TTC4: variants seen among roughly 807,000 people sequenced by gnomAD.
TTC4 encodes hsp70/Hsp90 co-chaperone CNS1 homolog.
Under a neutral mutation model 51.9 loss-of-function variants are expected in TTC4, and 36 were observed. That is an observed-to-expected ratio of 0.69 (90% CI 0.53 to 0.92). The LOEUF is 0.92. TTC4 is among the 40% of genes least tolerant of loss of function. TTC4 has a pLI of 0.00. For synonymous variants in TTC4, 144 were observed against 164.2 expected (o/e 0.88, Z 0.94); for missense variants, 399 against 454.6 (o/e 0.88, Z 1.11).
rs1417130009 is a variant in TTC4 at position 54,736,171 on chromosome 1, GAAAGGAGAGAGAGAGAGA to G, written c.979-1410_979-1393del. Among the ~76,000 whole-genome samples, 43 of 108,112 alleles carry G rather than the reference GAAAGGAGAGAGAGAGAGA, an allele frequency of 4.0e-4. 2 individuals are homozygous for G. The highest frequency in any genetic ancestry group is 1.6e-3 in the African/African-American group (34 of 21,202). 70.9% of individuals were successfully genotyped at this position (108,112 alleles called of 152,430 possible). On this transcript the variant is annotated intron_variant, in intron 8 of 9. Coordinates refer to ENST00000371281, the MANE Select transcript of TTC4 (RefSeq NM_004623.5). Reference sequence around the variant, plus strand: ...TGGGGGAGAAAGAGAGAGAAAGAAAGAAAGGAGAGAGAGAGAGAGAGAGAGAGAGAGAGAGAGAGAGAG... The same window carrying G: ...TGGGGGAGAAAGAGAGAGAAAGAAAGGAGAGAGAGAGAGAGAGAGAGAGAG...
chr1:54,738,795 T>A (rs1387859543), intron 9 of TTC4, among the ~76,000 whole-genome samples: 1 of 151,922 alleles, frequency 6.6e-6, no homozygotes, highest in Non-Finnish European at 1.5e-5. Context: ...CCTGAGTAGC[T>A]GGGATTACAG....
chr1:54,722,348 T>C (rs1321189358), intron 4 of TTC4, among the ~76,000 whole-genome samples: 2 of 152,200 alleles, frequency 1.3e-5, no homozygotes, highest in African/African-American at 4.8e-5. Context: ...TGGTCCTTTG[T>C]CTAAGGTCTA....
Position 54,741,613 on chromosome 1 carries a change from TC to T in TTC4, c.*102del. ...TACTGCTGGAGTCCAGTGCTTTCTTTCCGTCACCCTGGGGATAGTCCTTCCT... is the reference window on the plus strand; with the variant it reads ...TACTGCTGGAGTCCAGTGCTTTCTTTCGTCACCCTGGGGATAGTCCTTCCT... On this transcript the variant is annotated 3_prime_UTR_variant, in exon 10 of 10. Transcript: ENST00000371281. 1 of 1,012,074 alleles carries T rather than the reference TC, an allele frequency of 9.9e-7. No individual in the cohort carries two copies. The highest frequency in any genetic ancestry group is 3.0e-4 in the Middle Eastern group (1 of 3,372). The allele number at this position is 1,012,074 out of a possible 1,614,324, so 62.7% of individuals were successfully genotyped here. A position where few individuals can be genotyped will look rare whatever the true frequency, so the allele number is the denominator to read the frequency against.
At chr1:54,722,129 A>AT (rs11443027) in intron 4 of TTC4, among the ~76,000 whole-genome samples, 59,845 of 147,026 alleles carry the variant, frequency 0.41, 12,744 homozygotes, top group East Asian at 0.69. Flanking sequence ...ATAACATGAA[A>AT]TTTTTTTTTT....
rs372383383 is a variant in TTC4, at chr1:54,741,540, C to T, written c.*27C>T. ...TAAGCCAGGGCCCCTGGATCTCCTCCCTTACCCTCCTCTGCTGGGAACCTA... is the reference window on the plus strand; with the variant it reads ...TAAGCCAGGGCCCCTGGATCTCCTCTCTTACCCTCCTCTGCTGGGAACCTA... On this transcript the variant is annotated 3_prime_UTR_variant, in exon 10 of 10. Coordinates refer to ENST00000371281, the MANE Select transcript of TTC4 (RefSeq NM_004623.5). The T allele has an allele frequency of 6.3e-7, 1 of 1,578,048 alleles. No individual in the cohort carries two copies. The highest frequency in any genetic ancestry group is 8.7e-7 in the Non-Finnish European group (1 of 1,147,622).
At chr1:54,739,910 G>A (rs1645991308) in intron 9 of TTC4, among the ~76,000 whole-genome samples, 1 of 152,194 alleles carries the variant, frequency 6.6e-6, no homozygotes, top group Non-Finnish European at 1.5e-5. Context: ...AATAGGCCGG[G>A]TACAGTGGCT....
At position 54,716,594 on chromosome 1, in the gene TTC4, T is replaced by C. The variant is rs375643169; in HGVS notation, c.112-6T>C. On this transcript the variant is annotated splice_region_variant and splice_polypyrimidine_tract_variant and intron_variant, in intron 1 of 9. Coordinates refer to ENST00000371281, the MANE Select transcript of TTC4 (RefSeq NM_004623.5). ...ATTCATGTAGTTCATTCTTAACCATTTACAGGAATTTGAAAAGGTCCCCCT... is the reference window on the plus strand; with the variant it reads ...ATTCATGTAGTTCATTCTTAACCATCTACAGGAATTTGAAAAGGTCCCCCT... 6.2e-7 allele frequency: 1 copy of C among 1,603,586 alleles called. No homozygotes were observed. The highest frequency in any genetic ancestry group is 8.5e-7 in the Non-Finnish European group (1 of 1,172,960).
At chr1:54,723,135 C>G (rs910376184) in intron 5 of TTC4, among the ~76,000 whole-genome samples, 1 of 152,194 alleles carries the variant, frequency 6.6e-6, no homozygotes, top group African/African-American at 2.4e-5. Flanking sequence ...TTTAGCTACA[C>G]AGATACTTAC....
chr1:54,736,656 C>T (rs2101363569), intron 8 of TTC4: 1 of 152,348 alleles, frequency 6.6e-6, no homozygotes, highest in Non-Finnish European at 1.5e-5. Flanking sequence ...AGGCATAAGC[C>T]ACCATGCCTG....
At position 54,716,732 on chromosome 1, in the gene TTC4, C is replaced by T. The variant is rs1557740162; in HGVS notation, c.229+15C>T. The T allele has an allele frequency of 6.3e-7, 1 of 1,583,900 alleles. No individual in the cohort carries two copies. The highest frequency in any genetic ancestry group is 8.6e-7 in the Non-Finnish European group (1 of 1,160,306). On this transcript the variant is annotated intron_variant, in intron 2 of 9. Coordinates refer to ENST00000371281, the MANE Select transcript of TTC4 (RefSeq NM_004623.5). ...TTCTCCAGAAGGTATCTTAACATGACTAATATTTGTTTTGTGTTTCCATTG... is the reference window on the plus strand; with the variant it reads ...TTCTCCAGAAGGTATCTTAACATGATTAATATTTGTTTTGTGTTTCCATTG...
In TTC4 at chr1:54,741,534, C is replaced by A. The variant is rs779722787; in HGVS notation, c.*21C>A. On this transcript the variant is annotated 3_prime_UTR_variant, in exon 10 of 10. Transcript: ENST00000371281. ...GATGACTAAGCCAGGGCCCCTGGAT[C>A]TCCTCCCTTACCCTCCTCTGCTGGG... The A allele has an allele frequency of 1.3e-6, 2 of 1,594,492 alleles. No individual in the cohort carries two copies. Among genetic ancestry groups the A allele is most frequent in the South Asian group, 2.2e-5 (2 of 90,688 alleles).
chr1:54,731,147 G>A (rs1367090854), intron 6 of TTC4, among the ~76,000 whole-genome samples: 2 of 152,170 alleles, frequency 1.3e-5, no homozygotes, highest in Non-Finnish European at 2.9e-5. Context: ...CCTACTATGT[G>A]CCAGGCCTCA....
At chr1:54,718,328 C>T (rs1319656622) in intron 3 of TTC4, among the ~76,000 whole-genome samples, 1 of 152,170 alleles carries the variant, frequency 6.6e-6, no homozygotes, top group East Asian at 1.9e-4. Flanking sequence ...CACTGCACTC[C>T]AGCCTGGGTG....
At chr1:54,731,415 G>A in intron 6 of TTC4, 71 bp from the exon 7 acceptor site, 1 of 1,437,122 alleles carries the variant, frequency 7.0e-7, no homozygotes, top group Non-Finnish European at 9.4e-7. Flanking sequence ...CTTTATTTCA[G>A]TAAAATGGGT....
chr1:54,737,954 G>A (rs1318682336), intron 9 of TTC4, among the ~76,000 whole-genome samples: 4 of 152,116 alleles, frequency 2.6e-5, no homozygotes, highest in Admixed American at 6.5e-5. Context: ...AGGCTGGAGT[G>A]CAATGGTGTG....
intron 2 of TTC4, among the ~76,000 whole-genome samples, chr1:54,717,278 G>A (rs1337929027): frequency 6.6e-6 from 1 of 152,062 alleles, no homozygotes; most frequent in Non-Finnish European, 1.5e-5. Flanking sequence ...AAAGCACTTA[G>A]TAATCTACCT....
rs557597436 is a variant in TTC4 at position 54,739,037 on chromosome 1, A to ATTTTT, written c.1061+1382_1061+1386dup. On this transcript the variant is annotated intron_variant, in intron 9 of 9. Transcript: ENST00000371281. Reference sequence around the variant, plus strand: ...TTTTGTTTGCTTTTTCTTATTTTGAATTTTTTTTTTTTTAAATAGAGATGG... The same window carrying ATTTTT: ...TTTTGTTTGCTTTTTCTTATTTTGAATTTTTTTTTTTTTTTTTTAAATAGAGATGG... Among the ~76,000 whole-genome samples the ATTTTT allele has an allele frequency of 3.0e-3, 435 of 144,534 alleles. 3 individuals are homozygous for ATTTTT. The highest frequency in any genetic ancestry group is 0.016 in the South Asian group (73 of 4,520). 94.8% of individuals were successfully genotyped at this position (144,534 alleles called of 152,430 possible).
At chr1:54,716,889 G>A (rs1372498908) in intron 2 of TTC4, among the ~76,000 whole-genome samples, 172 bp downstream of exon 2, 2 of 152,112 alleles carry the variant, frequency 1.3e-5, no homozygotes, top group African/African-American at 2.4e-5. Flanking sequence ...GGGGATACAG[G>A]GGTGAATAAG....
Position 54,715,963 on chromosome 1 carries a change from G to A in TTC4, c.55G>A (p.Glu19Lys), listed in dbSNP as rs1645668370. The change falls in exon 1 of 10, where the codon GAA becomes AAA. Residue 19 changes from glutamate (E) to lysine (K), a missense_variant. Glu to Lys is a moderately conservative substitution (Grantham distance 56, BLOSUM62 1). Around this residue, in one of 3 missense-constraint regions of TTC4, gnomAD observed 316 missense variants for 349.6 expected, o/e 0.90. Transcript: ENST00000371281. Reference sequence around the variant, plus strand: ...AGACGACGTCATGGACTCGTTCCTGGAAAAGTTCCAGAGCCAGCCTTACCG... The same window carrying A: ...AGACGACGTCATGGACTCGTTCCTGAAAAAGTTCCAGAGCCAGCCTTACCG... Reference protein sequence around the residue: ...TSDDVMDSFLEKFQSQPYRGG... With the variant: ...TSDDVMDSFLKKFQSQPYRGG... The A allele has an allele frequency of 6.2e-7, 1 of 1,606,444 alleles. No homozygotes were observed. The highest frequency in any genetic ancestry group is 1.3e-5 in the African/African-American group (1 of 74,814).
Sources: allele counts gnomAD v4.1 joint callset (sites outside exome capture counted in the v4.1 genomes callset), GRCh38; gene constraint gnomAD v4.1.1; regional missense constraint gnomAD v4.1.1; transcripts MANE v1.5; gene names NCBI Gene and HGNC (gene_info 2026-07-23, HGNC 2026-07-21).